The following WWOX variants were observed in gnomAD, a reference collection of about 807,000 sequenced individuals.
The protein encoded by WWOX is WW domain-containing oxidoreductase.
A neutral mutation model predicts 46.2 loss-of-function variants in WWOX; 69 were observed. The ratio of observed to expected loss-of-function variants is 1.49; its 90% CI spans 1.23 to 1.82. WWOX has a LOEUF of 1.82. Among genes scored for constraint, WWOX ranks in the 40% most tolerant of loss-of-function variants. The probability of loss-of-function intolerance (pLI) is 0.00; values close to 1 mark genes in which losing one functional copy is unlikely to be tolerated. For synonymous variants in WWOX, 359 were observed against 202.6 expected (o/e 1.77, Z -6.56); for missense variants, 919 against 542.6 (o/e 1.69, Z -6.89).
chr16:78,256,557 C>T (rs1214895230), intron 5 of WWOX, among the ~76,000 whole-genome samples: 1 of 151,684 alleles, frequency 6.6e-6, no homozygotes, highest in Non-Finnish European at 1.5e-5. Flanking sequence ...CTCTCCTGGC[C>T]TCAATTAACT....
chr16:79,172,375 C>T (rs1225338570), intron 8 of WWOX, among the ~76,000 whole-genome samples: 1 of 152,116 alleles, frequency 6.6e-6, no homozygotes, highest in Non-Finnish European at 1.5e-5. Context: ...GCAGGCAGCC[C>T]TTTTAAACCT....
intron 8 of WWOX, among the ~76,000 whole-genome samples, chr16:78,635,356 C>G (rs780367705): frequency 6.6e-6 from 1 of 152,126 alleles, no homozygotes; most frequent in Non-Finnish European, 1.5e-5. Context: ...CTAGGCCACT[C>G]CCTTAGATCC....
chr16:78,465,993 A>C (rs182916713), intron 8 of WWOX, among the ~76,000 whole-genome samples: 221 of 152,130 alleles, frequency 1.5e-3, no homozygotes, highest in African/African-American at 4.6e-3. Flanking sequence ...GGAGTATGGA[A>C]AGCCTGTTAA....
At chr16:79,013,484 G>A (rs921838302) in intron 8 of WWOX, among the ~76,000 whole-genome samples, 1 of 151,962 alleles carries the variant, frequency 6.6e-6, no homozygotes, top group Non-Finnish European at 1.5e-5. Flanking sequence ...AGAGTAAAAC[G>A]CATGTCCCCC....
At chr16:78,321,708 G>A (rs1415377605) in intron 5 of WWOX, among the ~76,000 whole-genome samples, 1 of 152,116 alleles carries the variant, frequency 6.6e-6, no homozygotes, top group Non-Finnish European at 1.5e-5. Context: ...GGTAGTTAAG[G>A]GTGATGATGT....
At chr16:78,951,112 C>T (rs746327853) in intron 8 of WWOX, among the ~76,000 whole-genome samples, 14 of 152,322 alleles carry the variant, frequency 9.2e-5, no homozygotes, top group Non-Finnish European at 1.8e-4. Flanking sequence ...AAACACAGCC[C>T]TAACTTGCTT....
Position 78,310,158 on chromosome 16 carries a change from A to T in WWOX, c.517-76702A>T, listed in dbSNP as rs542065318. Among the ~76,000 whole-genome samples the T allele has an allele frequency of 2.0e-5, 3 of 151,722 alleles. No homozygotes were observed. In the East Asian group the frequency reaches 5.8e-4, roughly 30 times the overall value. ...ATCTGTTTTTGTTGCTGGTAACTGT[A>T]TCCAAAAGTAATACAGAATTTTCCG... On this transcript the variant is annotated intron_variant, in intron 5 of 8. Coordinates refer to ENST00000566780, the MANE Select transcript of WWOX (RefSeq NM_016373.4).
chr16:79,180,388 T>C (rs1282693674), intron 8 of WWOX, among the ~76,000 whole-genome samples: 1 of 152,212 alleles, frequency 6.6e-6, no homozygotes, highest in Admixed American at 6.5e-5. Context: ...CGTTAACAGG[T>C]TTATTTCTTC....
chr16:78,178,122 G>T (rs1399207386), intron 5 of WWOX, among the ~76,000 whole-genome samples: 1 of 152,182 alleles, frequency 6.6e-6, no homozygotes, highest in Non-Finnish European at 1.5e-5. Context: ...ACAGTGAAGG[G>T]AGGAGCTCTT....
intron 8 of WWOX, among the ~76,000 whole-genome samples, chr16:78,477,254 T>C (rs534072294): frequency 6.6e-6 from 1 of 152,340 alleles, no homozygotes; most frequent in East Asian, 1.9e-4. Flanking sequence ...TCTTCTAGTC[T>C]AGATTACCTA....
chr16:78,486,178 T>G (rs1280829168), intron 8 of WWOX, among the ~76,000 whole-genome samples: 4 of 152,186 alleles, frequency 2.6e-5, no homozygotes, highest in Non-Finnish European at 5.9e-5. Context: ...TTTTGTAGTA[T>G]TTGCTGATTA....
intron 8 of WWOX, among the ~76,000 whole-genome samples, chr16:78,584,924 G>T (rs1221559829): frequency 1.3e-5 from 2 of 152,144 alleles, no homozygotes; most frequent in African/African-American, 2.4e-5. Context: ...TTTTTCTCCC[G>T]CCTCGGTCAA....
chr16:78,443,313 A>G (rs930506337), intron 8 of WWOX, among the ~76,000 whole-genome samples: 4 of 150,860 alleles, frequency 2.7e-5, no homozygotes, highest in Non-Finnish European at 4.4e-5. Context: ...ACAAAAAAAC[A>G]AAAAAAAACC....
intron 8 of WWOX, among the ~76,000 whole-genome samples, chr16:78,621,375 C>G (rs948388209): frequency 2.0e-5 from 3 of 151,950 alleles, no homozygotes; most frequent in African/African-American, 2.4e-5. Context: ...CTGCTGCTGT[C>G]TTACCTCCTC....
chr16:78,508,234 C>A (rs1232099315), intron 8 of WWOX, among the ~76,000 whole-genome samples: 1 of 150,710 alleles, frequency 6.6e-6, no homozygotes, highest in Non-Finnish European at 1.5e-5. Flanking sequence ...TGGTCTTGAA[C>A]TCCTGATCTC....
intron 8 of WWOX, among the ~76,000 whole-genome samples, chr16:78,495,296 A>G (rs1262673647): frequency 6.6e-6 from 1 of 151,658 alleles, no homozygotes; most frequent in Non-Finnish European, 1.5e-5. Flanking sequence ...GCCCGCCACC[A>G]CACCCAGCTA....
At chr16:78,562,714 C>G (rs191492942) in intron 8 of WWOX, among the ~76,000 whole-genome samples, 3 of 152,188 alleles carry the variant, frequency 2.0e-5, no homozygotes, top group Non-Finnish European at 4.4e-5. Flanking sequence ...TCTGATCGCT[C>G]CCCTGAATGG....
At chr16:78,664,249 C>T (rs1044910997) in intron 8 of WWOX, among the ~76,000 whole-genome samples, 1 of 152,130 alleles carries the variant, frequency 6.6e-6, no homozygotes, top group African/African-American at 2.4e-5. Context: ...TGTCAGTTTT[C>T]GTGTCTCCCT....
intron 5 of WWOX, among the ~76,000 whole-genome samples, chr16:78,274,437 G>A (rs11645726): frequency 0.087 from 13,199 of 152,118 alleles, 589 homozygotes; most frequent in South Asian, 0.18. Flanking sequence ...ATTCCTGTTG[G>A]ATATCCCTCT....
Sources: allele counts gnomAD v4.1 joint callset (sites outside exome capture counted in the v4.1 genomes callset), GRCh38; gene constraint gnomAD v4.1.1; transcripts MANE v1.5; gene names NCBI Gene and HGNC (gene_info 2026-07-23, HGNC 2026-07-21).